Variants in ST18 observed in about 807,000 individuals in gnomAD.
ST18 encodes the protein suppression of tumorigenicity 18 protein.
ST18 carries 50 observed loss-of-function variants against 110.0 expected under a neutral mutation model. The ratio of observed to expected loss-of-function variants is 0.45; its 90% CI spans 0.36 to 0.58. ST18 has a LOEUF of 0.58. Ranked by LOEUF, ST18 falls within the 20% of genes least tolerant of loss-of-function variation. The pLI is 0.00. For missense variants in ST18, 1,306 were observed against 1,280.1 expected, an observed-to-expected ratio of 1.02 and a Z score of -0.31; for synonymous variants, 461 against 452.4, an observed-to-expected ratio of 1.02 and a Z score of -0.24.
rs773744108 is a variant in ST18, at chr8:52,233,994, C to T, written c.-464-3917G>A. On this transcript the variant is annotated intron_variant, in intron 2 of 25. Transcript: ENST00000689386. ...CATTGCACTTTGACTAACATCTCCCCAGTCCCCACAACCCCAGCCTCTGGT... is the reference window on the plus strand; with the variant it reads ...CATTGCACTTTGACTAACATCTCCCTAGTCCCCACAACCCCAGCCTCTGGT... Among the ~76,000 whole-genome samples the T allele has an allele frequency of 3.0e-4, 45 of 152,194 alleles. 1 individual carries two copies. Among genetic ancestry groups the T allele is most frequent in the Non-Finnish European group, 5.9e-4 (40 of 68,030 alleles).
intron 2 of ST18, among the ~76,000 whole-genome samples, chr8:52,318,677 A>G (rs2096071094): frequency 6.6e-6 from 1 of 152,228 alleles, no homozygotes; most frequent in Non-Finnish European, 1.5e-5. Flanking sequence ...ATGGGCATTT[A>G]GGATAAGAAA....
intron 2 of ST18, among the ~76,000 whole-genome samples, chr8:52,265,452 A>T (rs79991199): frequency 0.12 from 18,266 of 152,282 alleles, 1,478 homozygotes; most frequent in Middle Eastern, 0.24. Flanking sequence ...TATGGAGAAT[A>T]AATTGAAGGG....
At chr8:52,235,809 T>G (rs756353354) in intron 2 of ST18, among the ~76,000 whole-genome samples, 1 of 152,158 alleles carries the variant, frequency 6.6e-6, no homozygotes, top group South Asian at 2.1e-4. Flanking sequence ...CTTTGACACA[T>G]GCACAACTGT....
intron 2 of ST18, among the ~76,000 whole-genome samples, chr8:52,282,968 C>T (rs944206997): frequency 8.6e-5 from 13 of 152,044 alleles, no homozygotes; most frequent in Non-Finnish European, 1.3e-4. Flanking sequence ...TACTGTGCCA[C>T]GAAGGGTACA....
intron 2 of ST18, among the ~76,000 whole-genome samples, chr8:52,391,156 G>A (rs1023242807): frequency 2.6e-5 from 4 of 152,138 alleles, no homozygotes; most frequent in Admixed American, 6.5e-5. Flanking sequence ...AGGTGTCAGC[G>A]CCTCTGCTCT....
chr8:52,211,604 G>A (rs937302085), intron 8 of ST18, among the ~76,000 whole-genome samples: 3 of 151,866 alleles, frequency 2.0e-5, no homozygotes, highest in African/African-American at 4.8e-5. Flanking sequence ...TCGGGGTTTC[G>A]CCATGTTGCC....
chr8:52,149,410 A>C (rs1328319008), intron 16 of ST18, among the ~76,000 whole-genome samples: 1 of 152,234 alleles, frequency 6.6e-6, no homozygotes, highest in African/African-American at 2.4e-5. Context: ...TGGCATTTCA[A>C]TGTTGAGCAA....
At chr8:52,210,093 C>G in intron 8 of ST18, 1 of 456,112 alleles carries the variant, frequency 2.2e-6, no homozygotes, top group Non-Finnish European at 4.4e-6. Flanking sequence ...AGGTAAGTGG[C>G]CTCATGTCCA....
At chr8:52,305,241 T>A (rs1477092074) in intron 2 of ST18, among the ~76,000 whole-genome samples, 2 of 152,136 alleles carry the variant, frequency 1.3e-5, no homozygotes, top group African/African-American at 4.8e-5. Flanking sequence ...ATAGAGTAGG[T>A]CATGCCCTCC....
intron 2 of ST18, among the ~76,000 whole-genome samples, chr8:52,384,303 A>T (rs897925756): frequency 5.3e-5 from 8 of 152,114 alleles, no homozygotes; most frequent in Non-Finnish European, 1.2e-4. Flanking sequence ...TGCTTCTATT[A>T]TTCTCCTATT....
intron 22 of ST18, among the ~76,000 whole-genome samples, chr8:52,128,261 G>T (rs925069087): frequency 5.9e-5 from 9 of 152,322 alleles, no homozygotes; most frequent in African/African-American, 1.9e-4. Context: ...GATCCACGGT[G>T]CCCAGCTGCA....
intron 2 of ST18, among the ~76,000 whole-genome samples, chr8:52,367,158 G>C (rs1828317091): frequency 6.6e-6 from 1 of 151,696 alleles, no homozygotes; most frequent in Non-Finnish European, 1.5e-5. Context: ...CTTGAATCCG[G>C]GAGGTAGAGG....
At chr8:52,164,213 C>T in intron 12 of ST18, 123 bp from the exon 13 acceptor site, 1 of 766,052 alleles carries the variant, frequency 1.3e-6, no homozygotes, top group Non-Finnish European at 2.2e-6. Context: ...GTTCACTTAG[C>T]ACCACGCACA....
At chr8:52,189,829 A>G (rs765262607) in intron 8 of ST18, among the ~76,000 whole-genome samples, 11 of 152,152 alleles carry the variant, frequency 7.2e-5, no homozygotes, top group Non-Finnish European at 1.3e-4. Flanking sequence ...TGGCTTCACA[A>G]ATCTTTCTCA....
chr8:52,374,961 G>A (rs6998349), intron 2 of ST18, among the ~76,000 whole-genome samples: 24,836 of 151,938 alleles, frequency 0.16, 3,305 homozygotes, highest in African/African-American at 0.36. Context: ...GACTCCACTC[G>A]TGCACTTACC....
At chr8:52,399,454 T>G (rs935192644) in intron 2 of ST18, among the ~76,000 whole-genome samples, 5 of 151,986 alleles carry the variant, frequency 3.3e-5, no homozygotes, top group African/African-American at 1.2e-4. Context: ...ATCTTTATTA[T>G]TTCTCTCCTG....
At chr8:52,357,234 C>T (rs1303811390) in intron 2 of ST18, among the ~76,000 whole-genome samples, 1 of 152,106 alleles carries the variant, frequency 6.6e-6, no homozygotes, top group Non-Finnish European at 1.5e-5. Flanking sequence ...TAATTACACT[C>T]TTGTACACAA....
intron 11 of ST18, among the ~76,000 whole-genome samples, chr8:52,166,235 C>A (rs1262621950): frequency 6.6e-6 from 1 of 152,222 alleles, no homozygotes; most frequent in Non-Finnish European, 1.5e-5. Context: ...GCCTTGCTAA[C>A]TCTGGAGGGA....
chr8:52,122,420 C>A (rs1423551951), intron 23 of ST18, among the ~76,000 whole-genome samples: 1 of 151,890 alleles, frequency 6.6e-6, no homozygotes, highest in African/African-American at 2.4e-5. Flanking sequence ...ACAAATGAAG[C>A]AATTCTATTA....
Sources: allele counts gnomAD v4.1 joint callset (sites outside exome capture counted in the v4.1 genomes callset), GRCh38; gene constraint gnomAD v4.1.1; transcripts MANE v1.5; gene names NCBI Gene and HGNC (gene_info 2026-07-23, HGNC 2026-07-21).